The following SPOPL variants were observed in gnomAD, a reference collection of about 807,000 sequenced individuals.
SPOPL encodes the protein speckle-type POZ protein-like.
In SPOPL, 23 loss-of-function variants were observed where a neutral mutation model predicts 53.8. That is an observed-to-expected ratio of 0.43 (90% CI 0.31 to 0.61). The LOEUF (loss-of-function observed/expected upper bound fraction) is 0.61. Among genes scored for constraint, SPOPL ranks in the 20% least tolerant of loss-of-function variants. The probability of loss-of-function intolerance (pLI) is 0.12; values close to 1 mark genes in which losing one functional copy is unlikely to be tolerated. For synonymous variants in SPOPL, 164 were observed against 149.7 expected, an observed-to-expected ratio of 1.10 and a Z score of -0.70; for missense variants, 442 against 466.9, an observed-to-expected ratio of 0.95 and a Z score of 0.49.
intron 5 of SPOPL, among the ~76,000 whole-genome samples, chr2:138,558,173 T>C (rs1263197817): frequency 6.6e-6 from 1 of 152,018 alleles, no homozygotes; most frequent in African/African-American, 2.4e-5. Flanking sequence ...AAATAAAAAA[T>C]AAATAAATAA....
Position 138,550,142 on chromosome 2 carries a change from T to A in SPOPL, c.-60-15T>A. On this transcript the variant is annotated splice_polypyrimidine_tract_variant and intron_variant, in intron 1 of 10. Coordinates refer to ENST00000280098, the MANE Select transcript of SPOPL (RefSeq NM_001001664.3). ...AAACTTTTTAATCAGTACATCAAAC[T>A]TCTTTCCTTTGTAGGTAAGGTACTC... 7.2e-7 allele frequency: 1 copy of A among 1,386,728 alleles called. No individual in the cohort carries two copies. The highest frequency in any genetic ancestry group is 1.0e-6 in the Non-Finnish European group (1 of 982,166). The allele number at this position is 1,386,728 out of a possible 1,614,324, so 85.9% of individuals were successfully genotyped here.
At chr2:138,545,242 G>A (rs1056671915) in intron 1 of SPOPL, among the ~76,000 whole-genome samples, 9 of 152,020 alleles carry the variant, frequency 5.9e-5, no homozygotes, top group African/African-American at 1.9e-4. Flanking sequence ...TACCAGCACC[G>A]TATACCAGGA....
intron 5 of SPOPL, among the ~76,000 whole-genome samples, chr2:138,556,973 G>A (rs901212357): frequency 7.2e-5 from 11 of 152,156 alleles, no homozygotes; most frequent in African/African-American, 2.2e-4. Context: ...TGGCTAACAC[G>A]GTGAAAACCC....
At chr2:138,528,355 AC>A (rs1374980378) in intron 1 of SPOPL, among the ~76,000 whole-genome samples, 1 of 152,096 alleles carries the variant, frequency 6.6e-6, no homozygotes, top group African/African-American at 2.4e-5. Flanking sequence ...ATGGATACTT[AC>A]AGTACCCTGG....
intron 7 of SPOPL, among the ~76,000 whole-genome samples, chr2:138,559,964 TTCTC>T (rs1311365166): frequency 5.9e-5 from 9 of 152,306 alleles, no homozygotes; most frequent in African/African-American, 2.2e-4. Flanking sequence ...ACTGCTTTCT[TTCTC>T]CAAGTTTTGG....
intron 1 of SPOPL, among the ~76,000 whole-genome samples, chr2:138,528,840 TA>T (rs1458956314): frequency 3.3e-5 from 5 of 152,192 alleles, no homozygotes; most frequent in Non-Finnish European, 7.3e-5. Context: ...AGACTTTGGG[TA>T]GGTTACTTTG....
chr2:138,511,035 C>A (rs989522297), intron 1 of SPOPL, among the ~76,000 whole-genome samples: 3 of 152,134 alleles, frequency 2.0e-5, no homozygotes, highest in Non-Finnish European at 1.5e-5. Context: ...CAGATTTGAT[C>A]ATTTCTCATT....
At chr2:138,565,462 A>G (rs1434542506) in intron 10 of SPOPL, among the ~76,000 whole-genome samples, 1 of 152,160 alleles carries the variant, frequency 6.6e-6, no homozygotes, top group Non-Finnish European at 1.5e-5. Flanking sequence ...AATGGTAGCA[A>G]TTTGATATTC....
At chr2:138,568,355 G>A (rs1685710177) in intron 10 of SPOPL, among the ~76,000 whole-genome samples, 2 of 152,102 alleles carry the variant, frequency 1.3e-5, no homozygotes, top group Admixed American at 1.3e-4. Flanking sequence ...TGGAAAGGTA[G>A]GAGGAAGAAT....
intron 1 of SPOPL, among the ~76,000 whole-genome samples, chr2:138,506,390 G>T (rs1310599875): frequency 1.3e-5 from 2 of 152,176 alleles, no homozygotes; most frequent in Non-Finnish European, 2.9e-5. Flanking sequence ...TTGGACCAGT[G>T]TCAGTGCACA....
At chr2:138,548,603 A>G (rs973697818) in intron 1 of SPOPL, among the ~76,000 whole-genome samples, 7 of 151,578 alleles carry the variant, frequency 4.6e-5, no homozygotes, top group African/African-American at 1.7e-4. Context: ...TTTAATTTTT[A>G]TTTTTCTAAT....
At chr2:138,552,494 C>T in intron 4 of SPOPL, 60 bp from the exon 5 acceptor site, 11 of 1,543,418 alleles carry the variant, frequency 7.1e-6, no homozygotes, top group East Asian at 2.3e-5. Flanking sequence ...ACTGTGTTAC[C>T]ATGTTTAAAA....
At position 138,551,012 on chromosome 2, in the gene SPOPL, T is replaced by A; in HGVS notation, c.310T>A (p.Phe104Ile). The change falls in exon 4 of 11, where the codon TTT becomes ATT. Residue 104 changes from phenylalanine to isoleucine, a missense_variant. By Grantham distance (21) the Phe-to-Ile change is conservative (BLOSUM62 0). Coordinates refer to ENST00000280098, the MANE Select transcript of SPOPL (RefSeq NM_001001664.3). The stretch of plus-strand genomic sequence containing the variant: ...AAGTGAAGTTCGAGCAAAATTCAAA[T>A]TTTCCCTTCTGAATGCTAAAAGGGA... The part of the protein sequence containing the change: ...PKSEVRAKFK[F>I]SLLNAKREET... 1 of 1,613,396 alleles carries A rather than the reference T, an allele frequency of 6.2e-7. No homozygotes were observed.
chr2:138,565,820 A>C (rs6736852), intron 10 of SPOPL, among the ~76,000 whole-genome samples: 1 of 151,122 alleles, frequency 6.6e-6, no homozygotes, highest in African/African-American at 2.4e-5. Flanking sequence ...TGCGAGCTCC[A>C]CCTCCTGGGT....
chr2:138,539,219 T>C (rs1685007595), intron 1 of SPOPL, among the ~76,000 whole-genome samples: 2 of 152,222 alleles, frequency 1.3e-5, no homozygotes, highest in East Asian at 3.8e-4. Context: ...TATGTGTGCA[T>C]GTGTCTTTAT....
chr2:138,502,624 AC>A (rs926239045), intron 1 of SPOPL, among the ~76,000 whole-genome samples: 25 of 151,666 alleles, frequency 1.6e-4, no homozygotes, highest in African/African-American at 5.8e-4. Flanking sequence ...AGCTTCGCAG[AC>A]CGCTCACTAC....
chr2:138,525,668 A>AAC (rs1684658863), intron 1 of SPOPL, among the ~76,000 whole-genome samples: 2 of 148,752 alleles, frequency 1.3e-5, no homozygotes, highest in African/African-American at 4.9e-5. Context: ...AAAAAAAAAA[A>AAC]AAAAAATACA....
At chr2:138,554,507 C>G in intron 5 of SPOPL, 1 of 1,289,360 alleles carries the variant, frequency 7.8e-7, no homozygotes, top group Non-Finnish European at 1.0e-6. Context: ...TGCCTCCTCC[C>G]CCTCCCCTGC....
intron 5 of SPOPL, chr2:138,554,447 G>A (rs1380030439): frequency 1.6e-6 from 2 of 1,257,628 alleles, no homozygotes; most frequent in Non-Finnish European, 2.1e-6. Context: ...AGAATCTCCA[G>A]CACTGCTTGC....
Sources: allele counts gnomAD v4.1 joint callset (sites outside exome capture counted in the v4.1 genomes callset), GRCh38; gene constraint gnomAD v4.1.1; transcripts MANE v1.5; gene names NCBI Gene and HGNC (gene_info 2026-07-23, HGNC 2026-07-21).